Variants in NRXN3 observed in about 807,000 individuals in gnomAD.
NRXN3 encodes neurexin III.
In NRXN3, 32 loss-of-function variants were observed where a neutral mutation model predicts 137.6. That is an observed-to-expected ratio of 0.23 (90% CI 0.18 to 0.31). The LOEUF (loss-of-function observed/expected upper bound fraction) is 0.31, where lower values mean the gene tolerates loss of function less well. Among genes scored for constraint, NRXN3 ranks in the 10% least tolerant of loss-of-function variants. The probability of loss-of-function intolerance (pLI) is 1.00; values close to 1 mark genes in which losing one functional copy is unlikely to be tolerated. For missense variants in NRXN3, 1,574 were observed against 2,062.5 expected (o/e 0.76, Z 4.59); for synonymous variants, 798 against 784.5 (o/e 1.02, Z -0.29).
intron 15 of NRXN3, among the ~76,000 whole-genome samples, chr14:79,411,431 T>C (rs1367401875): frequency 6.6e-6 from 1 of 152,182 alleles, no homozygotes; most frequent in Non-Finnish European, 1.5e-5. Context: ...TATTTTTGCT[T>C]TTATATCTCT....
At chr14:79,527,467 A>G (rs773063565) in intron 16 of NRXN3, among the ~76,000 whole-genome samples, 19 of 152,060 alleles carry the variant, frequency 1.2e-4, no homozygotes, top group Non-Finnish European at 2.5e-4. Context: ...TACTAGGGTC[A>G]GGGAAGATAA....
chr14:79,613,902 C>T (rs221512), intron 16 of NRXN3, among the ~76,000 whole-genome samples: 40,339 of 152,140 alleles, frequency 0.27, 6,069 homozygotes, highest in African/African-American at 0.41. Flanking sequence ...CACCGCAGTG[C>T]GGTTAATCCA....
At chr14:78,496,753 G>T (rs1377065551) in intron 4 of NRXN3, among the ~76,000 whole-genome samples, 3 of 152,016 alleles carry the variant, frequency 2.0e-5, no homozygotes, top group Non-Finnish European at 4.4e-5. Context: ...ATCCAAAGAT[G>T]AAGGGGTTGG....
chr14:79,818,530 A>G (rs890915502), intron 20 of NRXN3, among the ~76,000 whole-genome samples: 1 of 152,146 alleles, frequency 6.6e-6, no homozygotes, highest in African/African-American at 2.4e-5. Context: ...GAACACAGTG[A>G]TTTAGGTGTT....
At chr14:78,508,516 C>T (rs2096041094) in intron 4 of NRXN3, among the ~76,000 whole-genome samples, 4 of 152,030 alleles carry the variant, frequency 2.6e-5, no homozygotes, top group Admixed American at 2.6e-4. Context: ...TTTATAGGTG[C>T]CTTTTCTTAT....
At chr14:79,761,128 A>G (rs1198223640) in intron 19 of NRXN3, among the ~76,000 whole-genome samples, 1 of 151,654 alleles carries the variant, frequency 6.6e-6, no homozygotes, top group Non-Finnish European at 1.5e-5. Flanking sequence ...GCAAAAAAAG[A>G]TTTAATATAT....
intron 8 of NRXN3, among the ~76,000 whole-genome samples, chr14:78,735,515 C>T (rs2098537399): frequency 6.6e-6 from 1 of 152,032 alleles, no homozygotes; most frequent in East Asian, 1.9e-4. Context: ...GACTTTGGGA[C>T]AAGCAGTGTT....
At chr14:79,437,510 A>C (rs1452432230) in intron 15 of NRXN3, among the ~76,000 whole-genome samples, 4 of 152,110 alleles carry the variant, frequency 2.6e-5, no homozygotes, top group African/African-American at 7.2e-5. Context: ...TCTTTGCTGC[A>C]GTGTCTTCTC....
intron 19 of NRXN3, among the ~76,000 whole-genome samples, chr14:79,770,430 G>C (rs1177712345): frequency 1.5e-5 from 2 of 132,744 alleles, no homozygotes; most frequent in Non-Finnish European, 3.2e-5. Flanking sequence ...CTATCTCTCA[G>C]ACCACAGTGC....
intron 6 of NRXN3, among the ~76,000 whole-genome samples, chr14:78,707,428 A>G (rs1467830105): frequency 6.6e-6 from 1 of 152,220 alleles, no homozygotes; most frequent in Non-Finnish European, 1.5e-5. Context: ...TCAGAGCGCC[A>G]AAAACCATTC....
intron 16 of NRXN3, among the ~76,000 whole-genome samples, chr14:79,614,708 A>G (rs577883579): frequency 4.8e-5 from 7 of 146,414 alleles, no homozygotes; most frequent in Admixed American, 4.0e-4. Flanking sequence ...GCAAAATGTT[A>G]CGTTAAATAC....
intron 10 of NRXN3, among the ~76,000 whole-genome samples, chr14:78,882,711 A>G (rs562121593): frequency 2.6e-5 from 4 of 151,686 alleles, no homozygotes; most frequent in African/African-American, 9.8e-5. Context: ...GTCTCGGATG[A>G]GACTTTGGAC....
rs538636522 is a variant in NRXN3 at position 79,273,362 on chromosome 14, C to T, written c.3263-193859C>T. ...TAATAATAATAAAATGGGCCGGGCA[C>T]GGTGGCTCACGCCTGTAATCCCAGC... On this transcript the variant is annotated intron_variant, in intron 15 of 20. Coordinates refer to ENST00000335750, the MANE Select transcript of NRXN3 (RefSeq NM_001330195.2). 2.6e-4 allele frequency among the ~76,000 whole-genome samples: 40 copies of T among 151,532 alleles called. 1 individual carries two copies. Among genetic ancestry groups the T allele is most frequent in the African/African-American group, 8.2e-4 (34 of 41,320 alleles).
chr14:78,544,231 A>G (rs997966664), intron 4 of NRXN3, among the ~76,000 whole-genome samples: 2 of 152,216 alleles, frequency 1.3e-5, no homozygotes, highest in Non-Finnish European at 2.9e-5. Context: ...GCAAAAGTGA[A>G]CAGAGAGGAT....
intron 4 of NRXN3, among the ~76,000 whole-genome samples, chr14:78,410,766 ACT>A (rs1265096100): frequency 1.3e-5 from 2 of 152,062 alleles, no homozygotes; most frequent in Non-Finnish European, 2.9e-5. Context: ...AAAAGACAAA[ACT>A]CTCTGAAATA....
chr14:79,765,644 A>T (rs990886948), intron 19 of NRXN3, among the ~76,000 whole-genome samples: 1 of 152,198 alleles, frequency 6.6e-6, no homozygotes, highest in Non-Finnish European at 1.5e-5. Flanking sequence ...CTCATTCACT[A>T]TAATATCTTT....
intron 15 of NRXN3, among the ~76,000 whole-genome samples, chr14:79,461,599 A>G (rs1281347639): frequency 2.0e-5 from 3 of 152,186 alleles, no homozygotes; most frequent in South Asian, 2.1e-4. Flanking sequence ...TTATGTCTCT[A>G]TTTGCTAGAA....
At chr14:79,429,097 C>A (rs964305871) in intron 15 of NRXN3, among the ~76,000 whole-genome samples, 1 of 152,104 alleles carries the variant, frequency 6.6e-6, no homozygotes, top group African/African-American at 2.4e-5. Context: ...TAATACCAGA[C>A]GCAACCTAGT....
intron 17 of NRXN3, among the ~76,000 whole-genome samples, chr14:79,690,108 T>C (rs2098710739): frequency 6.6e-6 from 1 of 152,174 alleles, no homozygotes; most frequent in South Asian, 2.1e-4. Context: ...CTTTTCTCAG[T>C]ATAGTATTCT....
Sources: gnomAD v4.1 joint callset for allele counts (sites outside exome capture counted in the v4.1 genomes callset) on GRCh38, gnomAD v4.1.1 for gene constraint, MANE v1.5 for transcripts, NCBI Gene and HGNC (gene_info 2026-07-23, HGNC 2026-07-21) for gene names.